Variants in CNTNAP2 observed in about 807,000 individuals in gnomAD.
The protein encoded by CNTNAP2 is contactin associated protein 2.
In CNTNAP2, 98 loss-of-function variants were observed where a neutral mutation model predicts 155.2. That is an observed-to-expected ratio of 0.63 (90% CI 0.54 to 0.75). The LOEUF (loss-of-function observed/expected upper bound fraction) is 0.75. Among genes scored for constraint, CNTNAP2 ranks in the 30% least tolerant of loss-of-function variants. CNTNAP2 has a pLI of 0.00. For synonymous variants in CNTNAP2, 651 were observed against 631.2 expected (o/e 1.03, Z -0.47); for missense variants, 1,727 against 1,688.1 (o/e 1.02, Z -0.40).
chr7:147,102,157 A>C (rs988350597), intron 4 of CNTNAP2, among the ~76,000 whole-genome samples: 1 of 152,142 alleles, frequency 6.6e-6, no homozygotes, highest in Non-Finnish European at 1.5e-5. Context: ...TATCAAATTG[A>C]AATATCAAAT....
rs1258285562 is a variant in CNTNAP2 at position 147,550,269 on chromosome 7, G to T, written c.1778-11869G>T. ...CCCCACCCAAATCTCACCTTAAATTGTAATAATCCCCATATGTCAAGGGCA... is the reference window on the plus strand; with the variant it reads ...CCCCACCCAAATCTCACCTTAAATTTTAATAATCCCCATATGTCAAGGGCA... On this transcript the variant is annotated intron_variant, in intron 11 of 23. Coordinates refer to ENST00000361727, the MANE Select transcript of CNTNAP2 (RefSeq NM_014141.6). 2.6e-5 allele frequency among the ~76,000 whole-genome samples: 4 copies of T among 152,084 alleles called. No individual in the cohort carries two copies. The East Asian group carries it at 5.8e-4, about 22-fold the overall frequency.
intron 1 of CNTNAP2, among the ~76,000 whole-genome samples, chr7:146,533,975 T>C (rs1584968009): frequency 6.6e-6 from 1 of 152,200 alleles, no homozygotes; most frequent in East Asian, 1.9e-4. Flanking sequence ...TTAAAAATAG[T>C]CTATGTAAAA....
intron 2 of CNTNAP2, among the ~76,000 whole-genome samples, chr7:146,776,188 A>G (rs536262934): frequency 1.3e-5 from 2 of 152,294 alleles, no homozygotes; most frequent in South Asian, 4.1e-4. Context: ...TGAAAAAGAA[A>G]TACCATATAA....
At chr7:146,668,714 G>C (rs1420328530) in intron 1 of CNTNAP2, among the ~76,000 whole-genome samples, 1 of 151,776 alleles carries the variant, frequency 6.6e-6, no homozygotes, top group African/African-American at 2.4e-5. Context: ...CCTTCTTCCT[G>C]GTCCAATCTT....
chr7:146,208,649 T>C (rs1798986406), intron 1 of CNTNAP2: 1 of 150,096 alleles, frequency 6.7e-6, no homozygotes, highest in South Asian at 2.1e-4. Context: ...GCTGGGCCCA[T>C]TGCCAGACTT....
At chr7:146,348,555 A>G (rs1374150678) in intron 1 of CNTNAP2, among the ~76,000 whole-genome samples, 2 of 152,166 alleles carry the variant, frequency 1.3e-5, no homozygotes, top group Non-Finnish European at 2.9e-5. Context: ...CAATTAATTT[A>G]TTCAGAAGTT....
At chr7:147,434,959 G>A (rs1008879704) in intron 10 of CNTNAP2, among the ~76,000 whole-genome samples, 3 of 152,174 alleles carry the variant, frequency 2.0e-5, no homozygotes, top group Non-Finnish European at 4.4e-5. Context: ...TTGTGTGTGA[G>A]GGTTGAGGTG....
At chr7:147,414,771 C>A (rs1449830394) in intron 10 of CNTNAP2, among the ~76,000 whole-genome samples, 2 of 151,674 alleles carry the variant, frequency 1.3e-5, no homozygotes, top group Non-Finnish European at 2.9e-5. Context: ...GAAACCCCGT[C>A]TCTACTAAAA....
intron 19 of CNTNAP2, among the ~76,000 whole-genome samples, chr7:148,222,831 T>A (rs182606011): frequency 2.6e-5 from 4 of 152,266 alleles, no homozygotes; most frequent in South Asian, 4.1e-4. Context: ...ACCAAGCTCA[T>A]GGGTGAGATG....
intron 1 of CNTNAP2, among the ~76,000 whole-genome samples, chr7:146,341,726 C>CAA (rs200096034): frequency 4.6e-5 from 7 of 151,302 alleles, no homozygotes; most frequent in Non-Finnish European, 8.9e-5. Context: ...AAAACAAAAA[C>CAA]AAAAAAAACC....
intron 13 of CNTNAP2, among the ~76,000 whole-genome samples, chr7:147,852,130 C>T (rs1798956119): frequency 6.6e-6 from 1 of 152,104 alleles, no homozygotes; most frequent in Non-Finnish European, 1.5e-5. Context: ...ACCTCACGGT[C>T]CTCAGGTTGT....
At chr7:146,443,289 A>G (rs865877083) in intron 1 of CNTNAP2, among the ~76,000 whole-genome samples, 1 of 151,960 alleles carries the variant, frequency 6.6e-6, no homozygotes, top group Non-Finnish European at 1.5e-5. Context: ...GGTTTTGAGA[A>G]TGCTGACATG....
chr7:148,250,813 A>C lies in CNTNAP2; in HGVS notation c.3382-16220A>C, dbSNP rs1000017143. ...GCCTCATTTTACTTATTATAGCCAC[A>C]GGTTCAAATCTATTCATATTTTTGT... On this transcript the variant is annotated intron_variant, in intron 20 of 23. Coordinates refer to ENST00000361727, the MANE Select transcript of CNTNAP2 (RefSeq NM_014141.6). Among the ~76,000 whole-genome samples, 21 of 152,282 alleles carry C rather than the reference A, an allele frequency of 1.4e-4. 1 individual carries two copies. In the East Asian group the frequency reaches 3.3e-3, roughly 24 times the overall value.
intron 1 of CNTNAP2, among the ~76,000 whole-genome samples, chr7:146,218,684 G>A (rs1476513723): frequency 6.6e-6 from 1 of 152,146 alleles, no homozygotes; most frequent in Non-Finnish European, 1.5e-5. Context: ...GGAGAAGGTA[G>A]TCTAACACTT....
intron 13 of CNTNAP2, among the ~76,000 whole-genome samples, chr7:147,653,506 AGG>A (rs968832448): frequency 1.4e-4 from 21 of 152,334 alleles, no homozygotes; most frequent in Admixed American, 1.3e-3. Flanking sequence ...CCATTAGGGT[AGG>A]GACTTGCTTC....
chr7:146,693,652 C>T (rs1316857173), intron 1 of CNTNAP2, among the ~76,000 whole-genome samples: 1 of 152,030 alleles, frequency 6.6e-6, no homozygotes, highest in African/African-American at 2.4e-5. Context: ...ATGTTACTGA[C>T]ATTAGTATTT....
At chr7:147,224,802 A>G (rs1011948778) in intron 8 of CNTNAP2, among the ~76,000 whole-genome samples, 9 of 152,186 alleles carry the variant, frequency 5.9e-5, no homozygotes, top group African/African-American at 2.2e-4. Flanking sequence ...ACACACACAT[A>G]AACACACATA....
At chr7:146,441,295 T>C (rs1796317286) in intron 1 of CNTNAP2, among the ~76,000 whole-genome samples, 3 of 151,430 alleles carry the variant, frequency 2.0e-5, no homozygotes, top group Admixed American at 6.6e-5. Flanking sequence ...GTTGGCAAAA[T>C]AAAATTTTTT....
chr7:147,003,504 A>G (rs1798467066), intron 3 of CNTNAP2, among the ~76,000 whole-genome samples: 1 of 152,024 alleles, frequency 6.6e-6, no homozygotes, highest in Non-Finnish European at 1.5e-5. Context: ...AACTGCTATG[A>G]TAAAAAATGG....
Sources: gnomAD v4.1 joint callset for allele counts (sites outside exome capture counted in the v4.1 genomes callset) on GRCh38, gnomAD v4.1.1 for gene constraint, MANE v1.5 for transcripts, NCBI Gene and HGNC (gene_info 2026-07-23, HGNC 2026-07-21) for gene names.